Variants in COX10 observed in about 807,000 individuals in gnomAD.
COX10 encodes cytochrome c oxidase assembly factor heme A:farnesyltransferase COX10.
COX10 carries 27 observed loss-of-function variants against 37.3 expected under a neutral mutation model. That is an observed-to-expected ratio of 0.72 (90% confidence interval 0.53 to 1.00). The LOEUF is 1.00. COX10 is among the 50% of genes least tolerant of loss of function. COX10 has a pLI of 0.00. For missense variants in COX10, 475 were observed against 563.2 expected (o/e 0.84, Z 1.59); for synonymous variants, 222 against 229.1 (o/e 0.97, Z 0.28).
chr17:14,174,082 A>G (rs1905572684), intron 5 of COX10, among the ~76,000 whole-genome samples: 1 of 151,998 alleles, frequency 6.6e-6, no homozygotes, highest in Non-Finnish European at 1.5e-5. Context: ...AGGAGATAAC[A>G]TTTGTAAAAT....
chr17:14,178,835 C>T (rs991546971), intron 5 of COX10, among the ~76,000 whole-genome samples: 7 of 151,986 alleles, frequency 4.6e-5, no homozygotes, highest in Non-Finnish European at 1.0e-4. Flanking sequence ...TTTGATTGCT[C>T]CAGCTTGGGC....
intron 5 of COX10, among the ~76,000 whole-genome samples, chr17:14,173,248 A>G (rs1051750568): frequency 6.6e-6 from 1 of 152,236 alleles, no homozygotes; most frequent in Non-Finnish European, 1.5e-5. Flanking sequence ...GGATAGATGG[A>G]CAGGTGGATG....
intron 4 of COX10, among the ~76,000 whole-genome samples, chr17:14,113,020 A>G (rs1916038270): frequency 6.6e-6 from 1 of 152,142 alleles, no homozygotes; most frequent in Admixed American, 6.6e-5. Flanking sequence ...ATCTTAGGCT[A>G]GAGAAGGAAG....
At chr17:14,159,035 G>A (rs1012539620) in intron 4 of COX10, among the ~76,000 whole-genome samples, 3 of 152,102 alleles carry the variant, frequency 2.0e-5, no homozygotes, top group Non-Finnish European at 4.4e-5. Context: ...AATACCTTGG[G>A]CCTTGTCTTT....
intron 5 of COX10, among the ~76,000 whole-genome samples, chr17:14,160,969 CAA>C (rs1356954765): frequency 6.6e-6 from 1 of 152,188 alleles, no homozygotes; most frequent in Non-Finnish European, 1.5e-5. Flanking sequence ...TAACCTATCT[CAA>C]GAGCTAAAAG....
intron 3 of COX10, among the ~76,000 whole-genome samples, chr17:14,080,460 G>A (rs1259537119): frequency 2.0e-5 from 3 of 151,932 alleles, no homozygotes; most frequent in Non-Finnish European, 2.9e-5. Context: ...TGATCCACCC[G>A]CCTCGGCCTC....
At chr17:14,081,274 G>T (rs964822379) in intron 3 of COX10, among the ~76,000 whole-genome samples, 3 of 152,186 alleles carry the variant, frequency 2.0e-5, no homozygotes, top group Admixed American at 6.5e-5. Flanking sequence ...AAATAGTGGT[G>T]GTCAACTGAG....
intron 4 of COX10, among the ~76,000 whole-genome samples, chr17:14,154,333 T>C (rs1904986085): frequency 6.6e-6 from 1 of 152,238 alleles, no homozygotes; most frequent in African/African-American, 2.4e-5. Flanking sequence ...GCTCTAACAA[T>C]GGATAATCTG....
At chr17:14,072,624 C>T (rs943362178) in intron 1 of COX10, among the ~76,000 whole-genome samples, 9 of 152,098 alleles carry the variant, frequency 5.9e-5, no homozygotes, top group African/African-American at 2.2e-4. Flanking sequence ...GAGTTATTTT[C>T]CAAGGTGGTT....
intron 4 of COX10, among the ~76,000 whole-genome samples, chr17:14,144,157 T>A (rs2142228116): frequency 6.6e-6 from 1 of 152,292 alleles, no homozygotes; most frequent in African/African-American, 2.4e-5. Flanking sequence ...ATATTATAAC[T>A]GTGTTTGGAC....
At chr17:14,166,074 G>T (rs1445703796) in intron 5 of COX10, among the ~76,000 whole-genome samples, 2 of 152,196 alleles carry the variant, frequency 1.3e-5, no homozygotes, top group Non-Finnish European at 2.9e-5. Flanking sequence ...AGCAGCAAGT[G>T]CTAATGGAGA....
intron 3 of COX10, among the ~76,000 whole-genome samples, chr17:14,079,842 T>TTATA (rs527465729): frequency 2.5e-4 from 23 of 91,678 alleles, no homozygotes; most frequent in African/African-American, 1.0e-3. Flanking sequence ...TAGGATCATT[T>TTATA]TATATATATA....
intron 5 of COX10, among the ~76,000 whole-genome samples, chr17:14,161,319 A>G (rs1375750276): frequency 6.6e-6 from 1 of 152,202 alleles, no homozygotes. Flanking sequence ...TAGAATCCCT[A>G]ATGTCCAAAG....
intron 4 of COX10, among the ~76,000 whole-genome samples, chr17:14,147,133 C>G (rs56111001): frequency 0.022 from 3,394 of 152,192 alleles, 96 homozygotes; most frequent in African/African-American, 0.067. Flanking sequence ...TGATCCAGCA[C>G]TTCCACTGCT....
chr17:14,074,019 G>T (rs889141908), intron 1 of COX10, among the ~76,000 whole-genome samples: 1 of 152,084 alleles, frequency 6.6e-6, no homozygotes, highest in African/African-American at 2.4e-5. Flanking sequence ...TGAACGGGTT[G>T]TTTTATATTT....
At chr17:14,146,255 A>C (rs901574752) in intron 4 of COX10, among the ~76,000 whole-genome samples, 1 of 152,108 alleles carries the variant, frequency 6.6e-6, no homozygotes, top group African/African-American at 2.4e-5. Flanking sequence ...TATAGTATAG[A>C]GCTATAGTAA....
intron 3 of COX10, among the ~76,000 whole-genome samples, chr17:14,078,383 A>T (rs8073541): frequency 6.6e-6 from 1 of 152,146 alleles, no homozygotes; most frequent in Non-Finnish European, 1.5e-5. Context: ...CACTTAGCAC[A>T]TCCACCCTGC....
At chr17:14,168,589 C>T (rs2856180) in intron 5 of COX10, among the ~76,000 whole-genome samples, 88,100 of 152,160 alleles carry the variant, frequency 0.58, 25,951 homozygotes, top group East Asian at 0.63. Flanking sequence ...TAGGCAGAGG[C>T]TCCCAAAGCC....
In COX10 at chr17:14,105,504, A is replaced by T. The variant is rs1181107857; in HGVS notation, c.624+3262A>T. 2.6e-5 allele frequency among the ~76,000 whole-genome samples: 4 copies of T among 152,338 alleles called. No individual in the cohort carries two copies. In the East Asian group the frequency reaches 7.7e-4, roughly 29 times the overall value. On this transcript the variant is annotated intron_variant, in intron 4 of 6. Coordinates refer to ENST00000261643, the MANE Select transcript of COX10 (RefSeq NM_001303.4). ...TACAGTGCTGTAGAATTTGCAGAGCATATTTACATAAATTATTCTTTAAGG... is the reference window on the plus strand; with the variant it reads ...TACAGTGCTGTAGAATTTGCAGAGCTTATTTACATAAATTATTCTTTAAGG...
Sources: gnomAD v4.1 joint callset for allele counts (sites outside exome capture counted in the v4.1 genomes callset) on GRCh38, gnomAD v4.1.1 for gene constraint, MANE v1.5 for transcripts, NCBI Gene and HGNC (gene_info 2026-07-23, HGNC 2026-07-21) for gene names.